SNTG2: variants seen among roughly 807,000 people sequenced by gnomAD.
The protein encoded by SNTG2 is syntrophin gamma 2, also known as gamma-2-syntrophin.
Under a neutral mutation model 70.9 loss-of-function variants are expected in SNTG2, and 74 were observed. The observed-to-expected ratio is 1.04, with a 90% CI of 0.86 to 1.27. SNTG2 has a LOEUF of 1.27. Among genes scored for constraint, SNTG2 ranks in the 50% most tolerant of loss-of-function variants. The pLI is 0.00. For missense variants in SNTG2, 717 were observed against 690.7 expected, an observed-to-expected ratio of 1.04 and a Z score of -0.43; for synonymous variants, 278 against 273.8, an observed-to-expected ratio of 1.02 and a Z score of -0.15.
At chr2:1,337,444 T>C (rs950751295) in intron 16 of SNTG2, among the ~76,000 whole-genome samples, 3 of 152,188 alleles carry the variant, frequency 2.0e-5, no homozygotes, top group Non-Finnish European at 4.4e-5. Flanking sequence ...TGATTATTGA[T>C]GTTGAACATC....
intron 4 of SNTG2, 112 bp from the exon 5 acceptor site, chr2:1,137,502 GCACACACA>G (rs35182823): frequency 3.5e-6 from 3 of 845,516 alleles, no homozygotes; most frequent in Admixed American, 5.3e-5. Context: ...GTGGACACAT[GCACACACA>G]CACACACGTG....
intron 1 of SNTG2, among the ~76,000 whole-genome samples, chr2:977,904 T>C (rs1660965425): frequency 6.6e-6 from 1 of 152,224 alleles, no homozygotes; most frequent in Non-Finnish European, 1.5e-5. Flanking sequence ...TCATCTCAGC[T>C]CACTGGTTTC....
chr2:1,188,786 G>A (rs905111358), intron 8 of SNTG2, among the ~76,000 whole-genome samples: 7 of 152,166 alleles, frequency 4.6e-5, no homozygotes, highest in African/African-American at 9.6e-5. Context: ...TAATAGTAAC[G>A]GGATGGGTTT....
At chr2:1,077,572 C>A (rs1440391086) in intron 1 of SNTG2, among the ~76,000 whole-genome samples, 3 of 152,102 alleles carry the variant, frequency 2.0e-5, no homozygotes, top group African/African-American at 7.2e-5. Context: ...CATTTAGTTT[C>A]GAATATGGTA....
chr2:1,238,834 C>G (rs1676856727), intron 10 of SNTG2, among the ~76,000 whole-genome samples: 3 of 152,220 alleles, frequency 2.0e-5, no homozygotes, highest in Admixed American at 2.0e-4. Context: ...ACTGGCCAGG[C>G]GTGGCCCACC....
intron 16 of SNTG2, among the ~76,000 whole-genome samples, chr2:1,362,266 C>T (rs995550268): frequency 5.9e-5 from 9 of 151,388 alleles, no homozygotes; most frequent in African/African-American, 1.5e-4. Context: ...TGAAAGTCAC[C>T]GACGCTAAGC....
intron 8 of SNTG2, among the ~76,000 whole-genome samples, chr2:1,190,567 C>G (rs1672531695): frequency 7.7e-6 from 1 of 129,208 alleles, no homozygotes; most frequent in South Asian, 2.6e-4. Context: ...TGTATAAATG[C>G]ATGTGACTGT....
intron 4 of SNTG2, among the ~76,000 whole-genome samples, chr2:1,109,187 C>G (rs1666275907): frequency 6.6e-6 from 1 of 151,878 alleles, no homozygotes. Context: ...TGCGAAGTCC[C>G]CTAAGCCCCT....
At chr2:998,438 A>G (rs930991766) in intron 1 of SNTG2, among the ~76,000 whole-genome samples, 10 of 152,046 alleles carry the variant, frequency 6.6e-5, no homozygotes, top group Middle Eastern at 3.2e-3. Context: ...AAAATTTACC[A>G]AAGAGATAGA....
chr2:1,223,983 T>C (rs1225432598), intron 9 of SNTG2, among the ~76,000 whole-genome samples: 9 of 152,270 alleles, frequency 5.9e-5, no homozygotes, highest in South Asian at 2.1e-4. Flanking sequence ...CCTCGAGCTC[T>C]GAAGGCTGCA....
chr2:1,311,712 G>A (rs572950077), intron 15 of SNTG2, among the ~76,000 whole-genome samples: 16 of 152,118 alleles, frequency 1.1e-4, no homozygotes, highest in East Asian at 9.7e-4. Flanking sequence ...TACTTTCTCC[G>A]GTACCCACAT....
At chr2:1,297,622 T>A (rs1478974170) in intron 14 of SNTG2, among the ~76,000 whole-genome samples, 3 of 151,960 alleles carry the variant, frequency 2.0e-5, no homozygotes, top group Admixed American at 6.6e-5. Flanking sequence ...TCCTTCCCAG[T>A]GGCCCAGCCT....
At position 1,190,843 on chromosome 2, in the gene SNTG2, G is replaced by A. The variant is rs1672551000; in HGVS notation, c.591+17660G>A. On this transcript the variant is annotated intron_variant, in intron 8 of 16. Transcript: ENST00000308624. ...GCCACGATGTGTATTGATGTGTATT[G>A]ATGGGAATACTCATTCATAGAGGAA... Among the ~76,000 whole-genome samples the A allele has an allele frequency of 2.0e-5, 3 of 152,150 alleles. No homozygotes were observed. In the South Asian group the frequency reaches 6.2e-4, roughly 32 times the overall value.
intron 16 of SNTG2, among the ~76,000 whole-genome samples, chr2:1,340,477 G>T (rs576905742): frequency 6.6e-6 from 1 of 152,306 alleles, no homozygotes; most frequent in Admixed American, 6.5e-5. Context: ...GCTGGTTCAT[G>T]CTAGGAATTA....
chr2:1,284,103 G>A (rs1383588492), intron 14 of SNTG2, among the ~76,000 whole-genome samples: 1 of 152,134 alleles, frequency 6.6e-6, no homozygotes, highest in Non-Finnish European at 1.5e-5. Context: ...GCTGGAGTAG[G>A]GAGCGGGCTG....
chr2:1,138,327 G>A (rs1227941892), intron 6 of SNTG2, among the ~76,000 whole-genome samples: 16 of 152,348 alleles, frequency 1.1e-4, no homozygotes, highest in Admixed American at 5.9e-4. Flanking sequence ...TGCATTCGGT[G>A]CAGGATGCTT....
chr2:1,214,529 TTTC>T (rs1239810929), intron 9 of SNTG2, among the ~76,000 whole-genome samples: 1 of 152,196 alleles, frequency 6.6e-6, no homozygotes, highest in Non-Finnish European at 1.5e-5. Context: ...GTTTTATTAA[TTTC>T]TTTTTTGTAT....
At chr2:1,329,704 G>T (rs1252018245) in intron 16 of SNTG2, among the ~76,000 whole-genome samples, 1 of 152,172 alleles carries the variant, frequency 6.6e-6, no homozygotes, top group South Asian at 2.1e-4. Context: ...ACAAAAGTCC[G>T]ATTGACAAGA....
intron 8 of SNTG2, among the ~76,000 whole-genome samples, chr2:1,183,945 G>A (rs2147920403): frequency 6.6e-6 from 1 of 152,186 alleles, no homozygotes; most frequent in African/African-American, 2.4e-5. Flanking sequence ...ATATCTGTTA[G>A]GAAGGGCTGT....
Sources: gnomAD v4.1 joint callset for allele counts (sites outside exome capture counted in the v4.1 genomes callset) on GRCh38, gnomAD v4.1.1 for gene constraint, MANE v1.5 for transcripts, NCBI Gene and HGNC (gene_info 2026-07-23, HGNC 2026-07-21) for gene names.